Variants in FBXL13 observed in about 807,000 individuals in gnomAD.
FBXL13 encodes the protein F-box and leucine-rich repeat protein 13.
FBXL13 carries 67 observed loss-of-function variants against 83.6 expected under a neutral mutation model. The observed-to-expected ratio is 0.80, with a 90% CI of 0.66 to 0.98. The LOEUF (loss-of-function observed/expected upper bound fraction) is 0.98, where lower values mean the gene tolerates loss of function less well. Ranked by LOEUF, FBXL13 falls within the 50% of genes least tolerant of loss-of-function variation. FBXL13 has a pLI of 0.00. For synonymous variants in FBXL13, 272 were observed against 299.5 expected (o/e 0.91, Z 0.95); for missense variants, 822 against 866.5 (o/e 0.95, Z 0.64).
At chr7:103,043,275 C>T (rs1795929894) in intron 2 of FBXL13, among the ~76,000 whole-genome samples, 1 of 152,144 alleles carries the variant, frequency 6.6e-6, no homozygotes, top group Non-Finnish European at 1.5e-5. Flanking sequence ...AATGAGATAC[C>T]ATCTCATGCC....
At chr7:102,999,597 T>C (rs184603809) in intron 6 of FBXL13, among the ~76,000 whole-genome samples, 3 of 152,310 alleles carry the variant, frequency 2.0e-5, no homozygotes, top group East Asian at 3.9e-4. Context: ...CATTACTTGC[T>C]ATGGGTGTAT....
At chr7:102,994,111 A>G (rs113286631) in intron 6 of FBXL13, among the ~76,000 whole-genome samples, 6 of 152,344 alleles carry the variant, frequency 3.9e-5, no homozygotes, top group African/African-American at 1.4e-4. Context: ...ATTAATAAGC[A>G]TAACAAACCC....
intron 10 of FBXL13, among the ~76,000 whole-genome samples, chr7:102,925,960 G>T (rs894986948): frequency 6.9e-6 from 1 of 145,664 alleles, no homozygotes; most frequent in African/African-American, 2.5e-5. Flanking sequence ...AAAAAAAAAA[G>T]GTCCCAGACA....
intron 8 of FBXL13, 47 bp downstream of exon 9, chr7:102,963,486 T>C (rs1386251862): frequency 3.1e-6 from 5 of 1,594,676 alleles, no homozygotes; most frequent in Non-Finnish European, 2.6e-6. Context: ...ATTTGTTTAA[T>C]TGTAATACAG....
chr7:102,921,818 G>A (rs1229493350), intron 10 of FBXL13, among the ~76,000 whole-genome samples: 2 of 152,174 alleles, frequency 1.3e-5, no homozygotes, highest in Non-Finnish European at 2.9e-5. Flanking sequence ...CACATTTCTT[G>A]ACTAGAGTGC....
At chr7:102,874,753 G>A (rs1808990301) in intron 16 of FBXL13, among the ~76,000 whole-genome samples, 1 of 152,104 alleles carries the variant, frequency 6.6e-6, no homozygotes, top group South Asian at 2.1e-4. Flanking sequence ...GTTTTGTAGA[G>A]ATGGGGTTTC....
chr7:102,960,280 C>T (rs185043737), intron 8 of FBXL13, among the ~76,000 whole-genome samples: 3,103 of 151,972 alleles, frequency 0.02, 45 homozygotes, highest in Non-Finnish European at 0.029. Context: ...CAAGACTAAA[C>T]CAGGAAGAAG....
chr7:102,942,850 G>A (rs1467620933), intron 8 of FBXL13, among the ~76,000 whole-genome samples: 2 of 152,218 alleles, frequency 1.3e-5, no homozygotes, highest in East Asian at 3.9e-4. Flanking sequence ...CTCTACAAGA[G>A]TATTTTAAAA....
intron 16 of FBXL13, among the ~76,000 whole-genome samples, chr7:102,867,705 T>A (rs1194956011): frequency 3.0e-3 from 343 of 113,266 alleles, no homozygotes; most frequent in South Asian, 9.2e-3. Flanking sequence ...ATTTTTTTTT[T>A]TTTTTTTTTT....
At chr7:102,840,495 T>C (rs1202599526) in intron 17 of FBXL13, among the ~76,000 whole-genome samples, 1 of 152,218 alleles carries the variant, frequency 6.6e-6, no homozygotes, top group African/African-American at 2.4e-5. Flanking sequence ...AAAGAGTTGA[T>C]GGGTGTCTAT....
At chr7:102,836,959 T>C (rs1221079826) in intron 17 of FBXL13, among the ~76,000 whole-genome samples, 1 of 152,250 alleles carries the variant, frequency 6.6e-6, no homozygotes, top group Non-Finnish European at 1.5e-5. Flanking sequence ...TGGGGAGTTT[T>C]TCCCTGTTGG....
intron 17 of FBXL13, among the ~76,000 whole-genome samples, chr7:102,851,378 T>C (rs1008638739): frequency 1.4e-4 from 21 of 152,112 alleles, no homozygotes; most frequent in Non-Finnish European, 2.9e-4. Context: ...TCAGCTATTA[T>C]TGCATTATCT....
Position 102,879,997 on chromosome 7 carries a change from C to A in FBXL13, c.1389-1547G>T, listed in dbSNP as rs148432794. On this transcript the variant is annotated intron_variant, in intron 14 of 19. Coordinates refer to ENST00000313221, the Ensembl canonical transcript of FBXL13. ...CTGGGATTACAGGCGTGAGCCACCA[C>A]GCCCGACGGGCATCTATAGTTTTAT... is the stretch of plus-strand genomic sequence containing the variant. Among the ~76,000 whole-genome samples the A allele has an allele frequency of 3.8e-3, 580 of 152,372 alleles. 5 individuals are homozygous for A. The highest frequency in any genetic ancestry group is 0.014 in the African/African-American group (572 of 41,594).
At chr7:103,028,527 T>C in intron 4 of FBXL13, 73 bp downstream of exon 5, 1 of 1,092,762 alleles carries the variant, frequency 9.2e-7, no homozygotes, top group Non-Finnish European at 1.2e-6. Context: ...ACCCAAAGTA[T>C]GCTTAACTGT....
At chr7:102,940,519 T>C (rs1821225027) in intron 8 of FBXL13, among the ~76,000 whole-genome samples, 1 of 152,196 alleles carries the variant, frequency 6.6e-6, no homozygotes, top group Non-Finnish European at 1.5e-5. Context: ...CTAAATGTAG[T>C]GATTTTTAAA....
chr7:102,946,827 A>G (rs1433904736), intron 8 of FBXL13, among the ~76,000 whole-genome samples: 3 of 151,674 alleles, frequency 2.0e-5, no homozygotes, highest in Non-Finnish European at 4.4e-5. Flanking sequence ...GGCGCCCACC[A>G]CCACACCCAG....
chr7:102,951,375 C>CTAAATAAATAATAAA (rs1823366501), intron 8 of FBXL13, among the ~76,000 whole-genome samples: 1 of 133,904 alleles, frequency 7.5e-6, no homozygotes, highest in Admixed American at 7.7e-5. Flanking sequence ...GACTCCATCT[C>CTAAATAAATAATAAA]TAAATAAATA....
chr7:102,934,571 T>A lies in FBXL13; in HGVS notation c.725-2638A>T, dbSNP rs36040681. ...GTGTAATGAAGAAGAAAAGGAACAA[T>A]TGGACCCGAAACCCCAAGTGTCAGG... On this transcript the variant is annotated intron_variant, in intron 8 of 19. Coordinates refer to ENST00000313221, the Ensembl canonical transcript of FBXL13. The A allele has an allele frequency of 4.0e-3, 6,487 of 1,613,980 alleles. 27 individuals carry two copies. The highest frequency in any genetic ancestry group is 0.02 in the Middle Eastern group (124 of 6,062).
intron 18 of FBXL13, among the ~76,000 whole-genome samples, chr7:102,828,754 A>T (rs1043663221): frequency 2.6e-5 from 4 of 152,196 alleles, no homozygotes; most frequent in Non-Finnish European, 5.9e-5. Flanking sequence ...CCATATTAGT[A>T]TAAGAGAAAT....
Sources: gnomAD v4.1 joint callset for allele counts (sites outside exome capture counted in the v4.1 genomes callset) on GRCh38, gnomAD v4.1.1 for gene constraint, MANE v1.5 for transcripts, NCBI Gene and HGNC (gene_info 2026-07-23, HGNC 2026-07-21) for gene names.